HOMER1: variants seen among roughly 807,000 people sequenced by gnomAD.
HOMER1 encodes homer protein homolog 1.
Under a neutral mutation model 48.9 loss-of-function variants are expected in HOMER1, and 3 were observed. That is an observed-to-expected ratio of 0.06 (90% CI 0.03 to 0.16). The LOEUF (loss-of-function observed/expected upper bound fraction) is 0.16, where lower values mean the gene tolerates loss of function less well. HOMER1 is among the 10% of genes least tolerant of loss of function. The probability of loss-of-function intolerance (pLI) is 1.00; values close to 1 mark genes in which losing one functional copy is unlikely to be tolerated. For synonymous variants in HOMER1, 134 were observed against 146.4 expected, an observed-to-expected ratio of 0.92 and a Z score of 0.61; for missense variants, 247 against 411.4, an observed-to-expected ratio of 0.60 and a Z score of 3.46.
intron 4 of HOMER1, among the ~76,000 whole-genome samples, chr5:79,441,054 GGAGGCT>G (rs1750722910): frequency 1.3e-5 from 2 of 152,138 alleles, no homozygotes; most frequent in Admixed American, 1.3e-4. Context: ...CAGCTATTCG[GGAGGCT>G]GAGGTGGAAG....
At chr5:79,503,067 G>C (rs938737801) in intron 1 of HOMER1, among the ~76,000 whole-genome samples, 6 of 152,100 alleles carry the variant, frequency 3.9e-5, no homozygotes, top group Non-Finnish European at 8.8e-5. Context: ...GATTACAGGC[G>C]TGAGCCACTG....
rs146201030 is a variant in HOMER1 at position 79,451,856 on chromosome 5, C to T, written c.163-735G>A. Among the ~76,000 whole-genome samples, 731 of 152,108 alleles carry T rather than the reference C, an allele frequency of 4.8e-3. 4 individuals carry two copies. Among genetic ancestry groups the T allele is most frequent in the African/African-American group, 0.016 (651 of 41,486 alleles). The stretch of plus-strand genomic sequence containing the variant: ...GATTACAGGCGTGAGCCACTGCGCC[C>T]GGCCGACACTGATTTTCTAAAATCC... On this transcript the variant is annotated intron_variant, in intron 2 of 8. Coordinates refer to ENST00000334082, the MANE Select transcript of HOMER1 (RefSeq NM_004272.5).
At chr5:79,417,834 T>C (rs2112242599) in intron 5 of HOMER1, among the ~76,000 whole-genome samples, 1 of 152,316 alleles carries the variant, frequency 6.6e-6, no homozygotes, top group South Asian at 2.1e-4. Flanking sequence ...TGGGAAATAA[T>C]AATTTAAACG....
At chr5:79,434,067 T>A (rs1242041092) in intron 5 of HOMER1, among the ~76,000 whole-genome samples, 1 of 152,106 alleles carries the variant, frequency 6.6e-6, no homozygotes. Context: ...AAGAGCCCAT[T>A]TTCTATCAAG....
In HOMER1 at chr5:79,477,740, TTCAGCACAACC is replaced by T. The variant is rs1484274922; in HGVS notation, c.6-20733_6-20723del. Among the ~76,000 whole-genome samples the T allele has an allele frequency of 1.2e-4, 18 of 152,212 alleles. 1 individual carries two copies. The highest frequency in any genetic ancestry group is 4.8e-5 in the African/African-American group (2 of 41,454). ...TGAGAGAAGACAATGACATGGATGCTTCAGCACAACCACCTTTAAATTGTAATAAAAACTAA... is the reference window on the plus strand; with the variant it reads ...TGAGAGAAGACAATGACATGGATGCTACCTTTAAATTGTAATAAAAACTAA... On this transcript the variant is annotated intron_variant, in intron 1 of 8. Transcript: ENST00000334082.
At chr5:79,397,721 T>C (rs544199979) in intron 6 of HOMER1, 84 bp from the exon 7 acceptor site, 10 of 678,172 alleles carry the variant, frequency 1.5e-5, no homozygotes, top group African/African-American at 1.3e-4. Flanking sequence ...AATAAGTGAA[T>C]AGTATATTCT....
intron 6 of HOMER1, among the ~76,000 whole-genome samples, chr5:79,399,964 T>A (rs925009150): frequency 2.6e-5 from 4 of 152,180 alleles, no homozygotes; most frequent in Non-Finnish European, 4.4e-5. Context: ...ATATATTATG[T>A]TTCTTAAGTT....
chr5:79,512,702 A>C, intron 1 of HOMER1, 68 bp downstream of exon 1: 2 of 1,454,058 alleles, frequency 1.4e-6, no homozygotes, highest in Non-Finnish European at 1.9e-6. Flanking sequence ...AAACACAATC[A>C]CCACCACCGC....
At chr5:79,409,924 T>C (rs1057407759) in intron 5 of HOMER1, among the ~76,000 whole-genome samples, 1 of 152,190 alleles carries the variant, frequency 6.6e-6, no homozygotes, top group Non-Finnish European at 1.5e-5. Flanking sequence ...TTGGTAGGAA[T>C]GTAAAATGGT....
chr5:79,389,328 G>A (rs1298915244), intron 8 of HOMER1, among the ~76,000 whole-genome samples: 1 of 152,052 alleles, frequency 6.6e-6, no homozygotes, highest in Non-Finnish European at 1.5e-5. Context: ...GAGCTCTTTT[G>A]CAACCATCCA....
chr5:79,423,973 A>T (rs1400104547), intron 5 of HOMER1, among the ~76,000 whole-genome samples: 1 of 151,986 alleles, frequency 6.6e-6, no homozygotes, highest in East Asian at 1.9e-4. Context: ...TATTATTCAC[A>T]TTTTCTCCCA....
chr5:79,483,419 A>G (rs753211628), intron 1 of HOMER1, among the ~76,000 whole-genome samples: 7 of 152,210 alleles, frequency 4.6e-5, no homozygotes, highest in Non-Finnish European at 7.3e-5. Flanking sequence ...TGATGGTTAC[A>G]TAACACTGTG....
chr5:79,413,574 C>A (rs1240806563), intron 5 of HOMER1, among the ~76,000 whole-genome samples: 1 of 151,844 alleles, frequency 6.6e-6, no homozygotes, highest in Non-Finnish European at 1.5e-5. Context: ...AAATTTTCAA[C>A]CCTCACGCCC....
intron 8 of HOMER1, among the ~76,000 whole-genome samples, chr5:79,387,507 T>C (rs1232142757): frequency 6.6e-6 from 1 of 152,220 alleles, no homozygotes; most frequent in East Asian, 1.9e-4. Flanking sequence ...TCTTAAGCTC[T>C]TATGAATAAG....
In HOMER1 at chr5:79,455,765, C is replaced by A. The variant is rs79480493; in HGVS notation, c.162+1097G>T. Among the ~76,000 whole-genome samples the A allele has an allele frequency of 9.5e-3, 1,454 of 152,268 alleles. 22 individuals carry two copies. The highest frequency in any genetic ancestry group is 0.033 in the African/African-American group (1,378 of 41,554). On this transcript the variant is annotated intron_variant, in intron 2 of 8. Coordinates refer to ENST00000334082, the MANE Select transcript of HOMER1 (RefSeq NM_004272.5). ...CTTCATGGCTTTAAGAAACTGAAGA[C>A]CTCATCTTTCTACACACTTCAAACC...
rs550871160 is a variant in HOMER1 at position 79,494,628 on chromosome 5, GGAGGCCAAGGCGGGTGGAACACTT to G, written c.5+18118_5+18141del. 2.3e-4 allele frequency among the ~76,000 whole-genome samples: 35 copies of G among 152,300 alleles called. 1 individual carries two copies. The East Asian group carries it at 4.8e-3, about 21-fold the overall frequency. The stretch of plus-strand genomic sequence containing the variant: ...TCATGCCTGTAATCCCAACACTTTG[GGAGGCCAAGGCGGGTGGAACACTT>G]GAGGTCAGGAGTTCGAGACCAGCCT... On this transcript the variant is annotated intron_variant, in intron 1 of 8. Transcript: ENST00000334082.
At chr5:79,454,269 A>C (rs1048747636) in intron 2 of HOMER1, among the ~76,000 whole-genome samples, 27 of 152,166 alleles carry the variant, frequency 1.8e-4, no homozygotes, top group Non-Finnish European at 4.4e-5. Context: ...CTTTTCTCCG[A>C]CATGGGACTA....
intron 5 of HOMER1, among the ~76,000 whole-genome samples, chr5:79,416,354 TTAA>T: frequency 6.6e-6 from 1 of 152,268 alleles, no homozygotes; most frequent in East Asian, 1.9e-4. Flanking sequence ...AGTGGTATGG[TTAA>T]TTTCTGATTG....
intron 5 of HOMER1, among the ~76,000 whole-genome samples, chr5:79,425,895 A>G (rs558599933): frequency 1.3e-5 from 2 of 152,258 alleles, no homozygotes; most frequent in Admixed American, 6.5e-5. Flanking sequence ...CAAGTAAGCC[A>G]TAAGACCAAA....
Sources: gnomAD v4.1 joint callset for allele counts (sites outside exome capture counted in the v4.1 genomes callset) on GRCh38, gnomAD v4.1.1 for gene constraint, MANE v1.5 for transcripts, NCBI Gene and HGNC (gene_info 2026-07-23, HGNC 2026-07-21) for gene names.